VRK2: variants seen among roughly 807,000 people sequenced by gnomAD.
VRK2 encodes VRK serine/threonine kinase 2.
VRK2 carries 60 observed loss-of-function variants against 57.6 expected under a neutral mutation model. The observed-to-expected ratio is 1.04, with a 90% CI of 0.85 to 1.29. The LOEUF is 1.29. VRK2 is among the 50% of genes most tolerant of loss of function. VRK2 has a pLI of 0.00. For missense variants in VRK2, 705 were observed against 588.1 expected (o/e 1.20, Z -2.06); for synonymous variants, 231 against 199.2 (o/e 1.16, Z -1.35).
chr2:58,123,616 C>A (rs1426623738), intron 8 of VRK2, among the ~76,000 whole-genome samples: 1 of 152,064 alleles, frequency 6.6e-6, no homozygotes, highest in Non-Finnish European at 1.5e-5. Context: ...AATCCCAGCA[C>A]TTTGGGAGGC....
At chr2:58,111,788 A>AG (rs942761797) in intron 7 of VRK2, among the ~76,000 whole-genome samples, 2 of 152,092 alleles carry the variant, frequency 1.3e-5, no homozygotes, top group African/African-American at 4.8e-5. Flanking sequence ...TTGATTTCAC[A>AG]GAAAAAAAAA....
At chr2:57,957,118 G>GCAGGT (rs1671610472) in intron 1 of VRK2, among the ~76,000 whole-genome samples, 1 of 152,136 alleles carries the variant, frequency 6.6e-6, no homozygotes, top group Non-Finnish European at 1.5e-5. Flanking sequence ...ATTCATATCT[G>GCAGGT]CAGGTTCCAG....
rs1384138022 is a variant in VRK2, at chr2:58,123,224, A to G, written c.667A>G (p.Lys223Glu). 6.3e-6 allele frequency: 10 copies of G among 1,584,234 alleles called. No homozygotes were observed. Among genetic ancestry groups the G allele is most frequent in the Non-Finnish European group, 8.5e-6 (10 of 1,172,094 alleles). The change falls in exon 8 of 13, where the codon AAG (lysine) becomes GAG (glutamate). Residue 223 changes from lysine to glutamate, a missense_variant. Lys to Glu is a moderately conservative substitution (Grantham distance 56). Transcript: ENST00000340157. ...AGAGTTTACCAGCTTGGATGCCCAC[A>G]AGGGAGTAGGTGGGTTTCTTTTTTC... Reference protein sequence around the residue: ...TIEFTSLDAHKGVALSRRSDV... With the variant: ...TIEFTSLDAHEGVALSRRSDV...
At chr2:57,911,057 A>T (rs75575209) in intron 1 of VRK2, among the ~76,000 whole-genome samples, 14,032 of 150,120 alleles carry the variant, frequency 0.093, 728 homozygotes, top group African/African-American at 0.13. Flanking sequence ...TTTTTTAAAC[A>T]TTTCTCAACG....
At chr2:58,067,820 C>A (rs1182709163) in intron 2 of VRK2, among the ~76,000 whole-genome samples, 1 of 152,100 alleles carries the variant, frequency 6.6e-6, no homozygotes, top group Non-Finnish European at 1.5e-5. Flanking sequence ...AGTTATTGAT[C>A]ATGTTTTCTC....
intron 11 of VRK2, among the ~76,000 whole-genome samples, chr2:58,145,654 T>A (rs1368469688): frequency 6.6e-6 from 1 of 152,030 alleles, no homozygotes; most frequent in African/African-American, 2.4e-5. Context: ...CTTTAAGTTC[T>A]AGGGTACATG....
intron 7 of VRK2, among the ~76,000 whole-genome samples, chr2:58,119,884 T>TAA (rs1649632235): frequency 6.6e-6 from 1 of 151,850 alleles, no homozygotes; most frequent in Non-Finnish European, 1.5e-5. Flanking sequence ...TGGGGATGGA[T>TAA]GGTTGTTCAT....
At chr2:58,030,438 T>C (rs1443057518) in intron 2 of VRK2, among the ~76,000 whole-genome samples, 1 of 152,068 alleles carries the variant, frequency 6.6e-6, no homozygotes. Context: ...TTCCTTCTCT[T>C]TCATTTAAAT....
chr2:58,119,724 A>G (rs1677133465), intron 7 of VRK2, among the ~76,000 whole-genome samples: 1 of 151,308 alleles, frequency 6.6e-6, no homozygotes, highest in South Asian at 2.1e-4. Flanking sequence ...CTTCCATGAG[A>G]ATCTTAGAGA....
chr2:57,996,647 G>A (rs1029420616), intron 1 of VRK2, among the ~76,000 whole-genome samples: 4 of 152,160 alleles, frequency 2.6e-5, no homozygotes, highest in Non-Finnish European at 5.9e-5. Flanking sequence ...AGAACAGGAA[G>A]TCTCTAGACT....
intron 12 of VRK2, among the ~76,000 whole-genome samples, chr2:58,157,836 T>C (rs1403711277): frequency 2.0e-5 from 3 of 152,206 alleles, no homozygotes; most frequent in Non-Finnish European, 4.4e-5. Flanking sequence ...GCCATTGTAG[T>C]GCAAAAGCCC....
chr2:58,095,167 G>A (rs1431605452), intron 7 of VRK2, among the ~76,000 whole-genome samples: 2 of 152,068 alleles, frequency 1.3e-5, no homozygotes, highest in African/African-American at 4.8e-5. Flanking sequence ...GGTGGCAGGT[G>A]CCTGTAGTCC....
Position 58,149,405 on chromosome 2 carries a change from ACTT to A in VRK2, c.1182+2932_1182+2934del, listed in dbSNP as rs201523988. Among the ~76,000 whole-genome samples, 45 of 151,858 alleles carry A rather than the reference ACTT, an allele frequency of 3.0e-4. 1 individual carries two copies. In the East Asian group the frequency reaches 8.3e-3, roughly 28 times the overall value. On this transcript the variant is annotated intron_variant, in intron 12 of 12. Coordinates refer to ENST00000340157, the MANE Select transcript of VRK2 (RefSeq NM_006296.7). ...TGTGTCTTGGGATCTTTCTAAATGT[ACTT>A]ATTAGTTCCAATAGGTTTTATTATT...
chr2:58,154,741 C>T, intron 12 of VRK2: 1 of 717,128 alleles, frequency 1.4e-6, no homozygotes, highest in Non-Finnish European at 2.6e-6. Context: ...GTATTTTCTT[C>T]CCTTTTTTCC....
chr2:58,094,340 T>C (rs1276357867), intron 7 of VRK2, among the ~76,000 whole-genome samples: 1 of 152,198 alleles, frequency 6.6e-6, no homozygotes, highest in African/African-American at 2.4e-5. Flanking sequence ...TTTTATTCCA[T>C]TGAGCAGTGG....
chr2:58,006,421 T>C (rs1214238679), intron 1 of VRK2, among the ~76,000 whole-genome samples: 1 of 152,200 alleles, frequency 6.6e-6, no homozygotes, highest in Non-Finnish European at 1.5e-5. Context: ...GAGATTGGAA[T>C]GTTAGAGTGG....
chr2:57,926,543 G>T (rs973494712), intron 1 of VRK2, among the ~76,000 whole-genome samples: 28 of 150,504 alleles, frequency 1.9e-4, no homozygotes, highest in African/African-American at 2.7e-4. Flanking sequence ...TATATATAGA[G>T]AGAGAGAATT....
At chr2:57,949,166 G>C (rs1206441663) in intron 1 of VRK2, among the ~76,000 whole-genome samples, 1 of 152,096 alleles carries the variant, frequency 6.6e-6, no homozygotes, top group Non-Finnish European at 1.5e-5. Flanking sequence ...AAAATAGCTG[G>C]AAAAATTGTA....
chr2:58,143,706 T>G lies in VRK2; in HGVS notation c.1024-2610T>G, dbSNP rs978893873. ...TCAATATCTTAGCTAAAAATAAAAC[T>G]GCCAGCAACCTTGCTTCTGGGTATG... is the stretch of plus-strand genomic sequence containing the variant. On this transcript the variant is annotated intron_variant, in intron 11 of 12. Coordinates refer to ENST00000340157, the MANE Select transcript of VRK2 (RefSeq NM_006296.7). Among the ~76,000 whole-genome samples the G allele has an allele frequency of 1.7e-4, 26 of 151,848 alleles. 1 individual carries two copies. Among genetic ancestry groups the G allele is most frequent in the Admixed American group, 1.2e-3 (19 of 15,204 alleles).
Sources: allele counts gnomAD v4.1 joint callset (sites outside exome capture counted in the v4.1 genomes callset), GRCh38; gene constraint gnomAD v4.1.1; transcripts MANE v1.5; gene names NCBI Gene and HGNC (gene_info 2026-07-23, HGNC 2026-07-21).